The following CHD7 variants were observed in gnomAD, a reference collection of about 807,000 sequenced individuals.
The protein encoded by CHD7 is chromodomain helicase DNA binding protein 7.
Under a neutral mutation model 307.3 loss-of-function variants are expected in CHD7, and 24 were observed. The observed-to-expected ratio is 0.08, with a 90% CI of 0.06 to 0.11. CHD7 has a LOEUF of 0.11. Ranked by LOEUF, CHD7 falls within the 10% of genes least tolerant of loss-of-function variation. CHD7 has a pLI of 1.00. For synonymous variants in CHD7, 1,363 were observed against 1,349.9 expected, an observed-to-expected ratio of 1.01 and a Z score of -0.21; for missense variants, 3,106 against 3,727.1, an observed-to-expected ratio of 0.83 and a Z score of 4.34.
rs1805409086 is a variant in CHD7, at chr8:60,678,829, G to C, written c.-428G>C. 6.8e-6 allele frequency: 1 copy of C among 147,316 alleles called. No individual in the cohort carries two copies. The highest frequency in any genetic ancestry group is 1.5e-5 in the Non-Finnish European group (1 of 66,706). 9.1% of individuals were successfully genotyped at this position (147,316 alleles called of 1,614,324 possible). Reference sequence around the variant, plus strand: ...GCGGCGGCGCGGGGGTTGAGTCGTGGTGGTGCGGACGCGCTCGTGCTCGGG... The same window carrying C: ...GCGGCGGCGCGGGGGTTGAGTCGTGCTGGTGCGGACGCGCTCGTGCTCGGG... On this transcript the variant is annotated 5_prime_UTR_variant, in exon 1 of 38. Transcript: ENST00000423902.
At chr8:60,804,445 C>G (rs139121949) in intron 6 of CHD7, among the ~76,000 whole-genome samples, 11 of 152,024 alleles carry the variant, frequency 7.2e-5, no homozygotes, top group Middle Eastern at 3.4e-3. Context: ...GACGTATTTT[C>G]AGAGTGTGTG....
intron 7 of CHD7, among the ~76,000 whole-genome samples, chr8:60,813,106 A>G (rs1282601114): frequency 6.6e-6 from 1 of 152,178 alleles, no homozygotes; most frequent in Non-Finnish European, 1.5e-5. Context: ...ATTTTCTTAT[A>G]CAAATTGTAC....
chr8:60,820,168 T>C, intron 9 of CHD7, 78 bp downstream of exon 9: 1 of 883,438 alleles, frequency 1.1e-6, no homozygotes, highest in East Asian at 2.6e-5. Context: ...GGTAGAATCC[T>C]AGACCTGGTC....
At chr8:60,812,858 T>A (rs772139316) in intron 7 of CHD7, among the ~76,000 whole-genome samples, 9 of 152,238 alleles carry the variant, frequency 5.9e-5, no homozygotes, top group Non-Finnish European at 1.0e-4. Flanking sequence ...TATTTTAATA[T>A]CTGGTAGATC....
At chr8:60,764,926 TG>T (rs1031493029) in intron 2 of CHD7, among the ~76,000 whole-genome samples, 1 of 152,228 alleles carries the variant, frequency 6.6e-6, no homozygotes, top group African/African-American at 2.4e-5. Context: ...GTCTTCAAAA[TG>T]TGCTTTCATT....
Position 60,836,798 on chromosome 8 carries a change from T to C in CHD7, c.3990-19T>C. 1 of 1,607,850 alleles carries C rather than the reference T, an allele frequency of 6.2e-7. No homozygotes were observed. The highest frequency in any genetic ancestry group is 1.1e-5 in the South Asian group (1 of 90,320). ...GTCGCTATGCGTCAGGCCTCCTTGTTCACACTGATGTTTTCTAGGTACCCA... is the reference window on the plus strand; with the variant it reads ...GTCGCTATGCGTCAGGCCTCCTTGTCCACACTGATGTTTTCTAGGTACCCA... On this transcript the variant is annotated intron_variant, in intron 16 of 37. Transcript: ENST00000423902.
intron 2 of CHD7, among the ~76,000 whole-genome samples, chr8:60,753,584 A>G (rs1809744552): frequency 6.6e-6 from 1 of 152,076 alleles, no homozygotes; most frequent in South Asian, 2.1e-4. Context: ...AATAAAAATG[A>G]GCCCAATAAT....
At chr8:60,762,487 A>C (rs1274007295) in intron 2 of CHD7, among the ~76,000 whole-genome samples, 4 of 152,186 alleles carry the variant, frequency 2.6e-5, no homozygotes, top group Non-Finnish European at 5.9e-5. Context: ...GGGGTGAATT[A>C]CATAGCTTCT....
Position 60,865,246 on chromosome 8 carries a change from G to A in CHD7, c.8307G>A (p.Leu2769=), listed in dbSNP as rs1438230414. The A allele has an allele frequency of 6.2e-7, 1 of 1,607,640 alleles. No homozygotes were observed. The highest frequency in any genetic ancestry group is 8.5e-7 in the Non-Finnish European group (1 of 1,177,130). ...QNLQNLQSLQ[L]AGLMGFPPGL... The stretch of plus-strand genomic sequence containing the variant: ...TCCAGAATCTCCAGTCGCTCCAGCT[G>A]GCAGGCCTCATGGGCTTCCCTCCAG... Residue 2769 remains leucine, a synonymous_variant, in exon 38 of 38, where the codon CTG becomes CTA. Transcript: ENST00000423902. This position sits in a 1 kb window ranked among gnomAD's most constrained non-coding sequence, Gnocchi z 4.3.
At chr8:60,687,216 G>A (rs1805948377) in intron 1 of CHD7, among the ~76,000 whole-genome samples, 1 of 152,196 alleles carries the variant, frequency 6.6e-6, no homozygotes, top group Admixed American at 6.5e-5. Flanking sequence ...GTCCCTCGAA[G>A]AATTATAAGC....
At chr8:60,862,806 CATT>C (rs1351050636) in intron 37 of CHD7, 154 bp downstream of exon 37, 1 of 512,966 alleles carries the variant, frequency 1.9e-6, no homozygotes. Flanking sequence ...TTTCATACAT[CATT>C]AATACATCAT....
rs975903884 is a variant in CHD7, at chr8:60,866,286, A to C, written c.*353A>C. On this transcript the variant is annotated 3_prime_UTR_variant, in exon 38 of 38. Transcript: ENST00000423902. ...ACTAATGGAAGAAAGTGCTGCTCAA[A>C]GGAAGTATGAAGTTATATATTTAAT... 6.0e-5 allele frequency: 10 copies of C among 167,288 alleles called. No individual in the cohort carries two copies. The highest frequency in any genetic ancestry group is 5.0e-4 in the Admixed American group (8 of 15,884). The allele number at this position is 167,288 out of a possible 1,614,324, so 10.4% of individuals were successfully genotyped here.
chr8:60,851,952 T>G (rs1049108676), intron 28 of CHD7, 67 bp from the exon 29 acceptor site: 1 of 1,087,284 alleles, frequency 9.2e-7, no homozygotes, highest in Non-Finnish European at 1.3e-6. Flanking sequence ...TCATCCTGTT[T>G]TGTTGGAATA....
intron 21 of CHD7, among the ~76,000 whole-genome samples, chr8:60,843,285 C>T (rs1805053427): frequency 6.6e-6 from 1 of 152,182 alleles, no homozygotes; most frequent in Admixed American, 6.5e-5. Context: ...GGCAGAGACT[C>T]ACCCCCTGCG....
At chr8:60,829,874 C>T (rs745899145) in intron 14 of CHD7, among the ~76,000 whole-genome samples, 30 of 152,178 alleles carry the variant, frequency 2.0e-4, no homozygotes, top group Non-Finnish European at 2.8e-4. Context: ...CAGGGAGAGA[C>T]GTCTCTGCTG....
intron 14 of CHD7, 100 bp from the exon 15 acceptor site, chr8:60,830,222 G>A: frequency 8.1e-7 from 1 of 1,228,814 alleles, no homozygotes; most frequent in East Asian, 2.4e-5. Context: ...AATGAAAATG[G>A]ATGTTTAATG....
At chr8:60,808,112 G>T in intron 6 of CHD7, 105 bp from the exon 7 acceptor site, 1 of 805,734 alleles carries the variant, frequency 1.2e-6, no homozygotes, top group Non-Finnish European at 2.0e-6. Flanking sequence ...GTCCTTTGCT[G>T]CTCTTTTCAG....
chr8:60,860,805 G>C (rs1805933801), intron 34 of CHD7, 99 bp from the exon 35 acceptor site: 1 of 877,266 alleles, frequency 1.1e-6, no homozygotes, highest in Non-Finnish European at 1.8e-6. Flanking sequence ...TTCTCTTTTT[G>C]ATAAAAGATC....
chr8:60,748,881 A>G (rs7846065), intron 2 of CHD7, among the ~76,000 whole-genome samples: 117,563 of 151,830 alleles, frequency 0.77, 45,797 homozygotes, highest in East Asian at 0.94. Flanking sequence ...AAAATTTAAA[A>G]GCTACTAAGA....
Sources: gnomAD v4.1 joint callset for allele counts (sites outside exome capture counted in the v4.1 genomes callset) on GRCh38, gnomAD v4.1.1 for gene constraint, Gnocchi (gnomAD v3.1) non-coding constraint, MANE v1.5 for transcripts, NCBI Gene and HGNC (gene_info 2026-07-23, HGNC 2026-07-21) for gene names.